SHANK2: variants seen among roughly 807,000 people sequenced by gnomAD.
SHANK2 encodes the protein SH3 and multiple ankyrin repeat domains protein 2.
A neutral mutation model predicts 133.7 loss-of-function variants in SHANK2; 43 were observed. The observed-to-expected ratio is 0.32, with a 90% CI of 0.25 to 0.41. The LOEUF (loss-of-function observed/expected upper bound fraction) is 0.41, where lower values mean the gene tolerates loss of function less well. Among genes scored for constraint, SHANK2 ranks in the 10% least tolerant of loss-of-function variants. SHANK2 has a pLI of 1.00. For synonymous variants in SHANK2, 1,017 were observed against 952.8 expected (o/e 1.07, Z -1.24); for missense variants, 1,994 against 2,235.8 (o/e 0.89, Z 2.18).
At chr11:71,083,979 T>TGGC (rs1555092238) in intron 8 of SHANK2, among the ~76,000 whole-genome samples, 5 of 147,706 alleles carry the variant, frequency 3.4e-5, no homozygotes, top group African/African-American at 1.3e-4. Context: ...AACTTTTTTT[T>TGGC]GGGGGGGGGA....
intron 17 of SHANK2, among the ~76,000 whole-genome samples, chr11:70,576,372 T>C (rs4980614): frequency 0.86 from 130,135 of 152,074 alleles, 55,740 homozygotes; most frequent in Middle Eastern, 0.91. Context: ...CCCACACTCA[T>C]GCCTGTAATC....
intron 9 of SHANK2, among the ~76,000 whole-genome samples, chr11:71,056,868 A>G (rs1950928181): frequency 7.5e-6 from 1 of 133,164 alleles, no homozygotes; most frequent in Non-Finnish European, 1.5e-5. Context: ...AGAAAAGAAA[A>G]GAAGAAAAGA....
At chr11:71,123,325 CT>C (rs1304717452) in intron 3 of SHANK2, among the ~76,000 whole-genome samples, 1 of 152,214 alleles carries the variant, frequency 6.6e-6, no homozygotes, top group Admixed American at 6.5e-5. Flanking sequence ...GGAAAAACAC[CT>C]ACTCAACTGT....
intron 15 of SHANK2, among the ~76,000 whole-genome samples, chr11:70,682,586 T>C (rs1945051899): frequency 6.6e-6 from 1 of 152,200 alleles, no homozygotes. Flanking sequence ...CTGCATTCTT[T>C]GAATATCTTG....
chr11:71,112,779 A>G (rs1182787146), intron 5 of SHANK2, among the ~76,000 whole-genome samples: 1 of 151,856 alleles, frequency 6.6e-6, no homozygotes, highest in African/African-American at 2.4e-5. Flanking sequence ...CAGGGTGTTC[A>G]TGGTGTGGAT....
At chr11:70,627,969 T>A (rs2060926806) in intron 17 of SHANK2, among the ~76,000 whole-genome samples, 1 of 151,130 alleles carries the variant, frequency 6.6e-6, no homozygotes, top group Non-Finnish European at 1.5e-5. Context: ...TTGTTTTTTG[T>A]TTTTTTTTGA....
At chr11:70,879,805 C>T (rs1011373246) in intron 11 of SHANK2, among the ~76,000 whole-genome samples, 1 of 152,138 alleles carries the variant, frequency 6.6e-6, no homozygotes, top group South Asian at 2.1e-4. Flanking sequence ...AATGGGGCCT[C>T]GGCTGGCTTC....
At chr11:70,596,908 C>T (rs1397518171) in intron 17 of SHANK2, among the ~76,000 whole-genome samples, 1 of 152,154 alleles carries the variant, frequency 6.6e-6, no homozygotes, top group Non-Finnish European at 1.5e-5. Flanking sequence ...AGGGGCCTTT[C>T]CCATGACTGA....
intron 1 of SHANK2, among the ~76,000 whole-genome samples, chr11:71,248,915 C>T (rs1948131899): frequency 6.6e-6 from 1 of 152,238 alleles, no homozygotes; most frequent in Admixed American, 6.5e-5. Flanking sequence ...CCAGTCACGC[C>T]TCTTCCTCCC....
intron 11 of SHANK2, among the ~76,000 whole-genome samples, chr11:70,876,567 G>GA (rs1162923074): frequency 4.1e-5 from 5 of 121,862 alleles, no homozygotes; most frequent in East Asian, 2.7e-4. Flanking sequence ...TCAAAAAAAA[G>GA]AAAAAAAAAG....
intron 14 of SHANK2, among the ~76,000 whole-genome samples, chr11:70,781,555 TTATTA>T (rs1474965015): frequency 3.0e-5 from 3 of 101,458 alleles, no homozygotes; most frequent in African/African-American, 1.2e-4. Flanking sequence ...ATTTACTTAC[TTATTA>T]TATATATATA....
chr11:71,078,881 C>A (rs1951255035), intron 8 of SHANK2, among the ~76,000 whole-genome samples: 1 of 152,272 alleles, frequency 6.6e-6, no homozygotes, highest in Non-Finnish European at 1.5e-5. Flanking sequence ...GGCAGCCCTG[C>A]TCTGCAAGGA....
chr11:71,147,974 A>G (rs572276627), intron 2 of SHANK2, among the ~76,000 whole-genome samples: 21 of 152,326 alleles, frequency 1.4e-4, no homozygotes, highest in African/African-American at 4.8e-4. Flanking sequence ...GGGGTCCCCA[A>G]GAGGCAGGGG....
At chr11:70,821,347 A>T (rs2135349667) in intron 11 of SHANK2, among the ~76,000 whole-genome samples, 1 of 152,300 alleles carries the variant, frequency 6.6e-6, no homozygotes, top group African/African-American at 2.4e-5. Context: ...AGGCCTCAGG[A>T]GGAACCAGCC....
intron 15 of SHANK2, chr11:70,661,929 G>A (rs1944553570): frequency 1.1e-6 from 1 of 937,168 alleles, no homozygotes; most frequent in African/African-American, 1.6e-5. Flanking sequence ...GAGCCAGCCG[G>A]AGGAAGGAGT....
intron 11 of SHANK2, among the ~76,000 whole-genome samples, chr11:70,860,893 G>A (rs1002291393): frequency 3.9e-5 from 6 of 152,240 alleles, no homozygotes; most frequent in Non-Finnish European, 8.8e-5. Flanking sequence ...AAAAGAAAAT[G>A]TGTATGTGAA....
intron 2 of SHANK2, among the ~76,000 whole-genome samples, chr11:71,159,895 G>A (rs1221742241): frequency 6.6e-6 from 1 of 150,456 alleles, no homozygotes; most frequent in African/African-American, 2.5e-5. Flanking sequence ...GCTGAGGCAG[G>A]AGAATCACAT....
intron 6 of SHANK2, among the ~76,000 whole-genome samples, chr11:71,095,136 T>C (rs1555095096): frequency 6.6e-6 from 1 of 152,208 alleles, no homozygotes; most frequent in African/African-American, 2.4e-5. Context: ...ATGCCAGCCA[T>C]GGGCTGCAGG....
intron 2 of SHANK2, among the ~76,000 whole-genome samples, chr11:71,179,671 C>G (rs782304873): frequency 1.3e-5 from 2 of 152,122 alleles, no homozygotes; most frequent in African/African-American, 2.4e-5. Context: ...ACATGATTGT[C>G]CCCATAGAAA....
Sources: gnomAD v4.1 joint callset for allele counts (sites outside exome capture counted in the v4.1 genomes callset) on GRCh38, gnomAD v4.1.1 for gene constraint, MANE v1.5 for transcripts, NCBI Gene and HGNC (gene_info 2026-07-23, HGNC 2026-07-21) for gene names.